CPNE4: variants seen among roughly 807,000 people sequenced by gnomAD.
CPNE4 encodes copine 4.
A neutral mutation model predicts 67.9 loss-of-function variants in CPNE4; 25 were observed. The ratio of observed to expected loss-of-function variants is 0.37; its 90% CI spans 0.27 to 0.51. The LOEUF (loss-of-function observed/expected upper bound fraction) is 0.51. CPNE4 is among the 20% of genes least tolerant of loss of function. The pLI, the probability that CPNE4 is intolerant of heterozygous loss-of-function variation, is 0.93. For missense variants in CPNE4, 464 were observed against 690.8 expected, an observed-to-expected ratio of 0.67 and a Z score of 3.68; for synonymous variants, 242 against 244.9, an observed-to-expected ratio of 0.99 and a Z score of 0.11.
chr3:131,860,643 TTTG>T (rs2086637106), intron 2 of CPNE4, among the ~76,000 whole-genome samples: 1 of 151,132 alleles, frequency 6.6e-6, no homozygotes, highest in Non-Finnish European at 1.5e-5. Flanking sequence ...TGAGTCTAGG[TTTG>T]GATTACATGA....
intron 2 of CPNE4, among the ~76,000 whole-genome samples, chr3:131,733,423 C>G (rs2082170181): frequency 1.3e-5 from 2 of 152,190 alleles, no homozygotes; most frequent in South Asian, 4.1e-4. Flanking sequence ...CTAAAGCCCC[C>G]CTAGAATATC....
chr3:131,775,840 T>G (rs1022871944), intron 2 of CPNE4, among the ~76,000 whole-genome samples: 3 of 152,160 alleles, frequency 2.0e-5, no homozygotes, highest in African/African-American at 4.8e-5. Flanking sequence ...TGTCATGGTT[T>G]CTCTGCATTT....
chr3:131,893,695 C>T (rs1022248089), intron 2 of CPNE4, among the ~76,000 whole-genome samples: 2 of 151,864 alleles, frequency 1.3e-5, no homozygotes, highest in East Asian at 1.9e-4. Flanking sequence ...GGAAATTAAA[C>T]AGCACGCTCT....
intron 1 of CPNE4, among the ~76,000 whole-genome samples, chr3:132,008,147 G>C (rs1347818601): frequency 6.6e-6 from 1 of 152,102 alleles, no homozygotes; most frequent in Non-Finnish European, 1.5e-5. Flanking sequence ...CAGTTTCTTG[G>C]AATATGACTT....
rs1582849266 is a variant in CPNE4 at position 131,587,478 on chromosome 3, A to G, written c.780+6T>C. On this transcript the variant is annotated splice_donor_region_variant and intron_variant, in intron 8 of 15. Transcript: ENST00000429747. ...GAGGCAAAACCAAAAGTGGTTGACC[A>G]TGTACCTGTTTCCCTTCCATTGCTC... is the stretch of plus-strand genomic sequence containing the variant. 1 of 1,610,110 alleles carries G rather than the reference A, an allele frequency of 6.2e-7. No homozygotes were observed.
At chr3:131,658,589 G>A (rs2080040758) in intron 7 of CPNE4, among the ~76,000 whole-genome samples, 1 of 152,144 alleles carries the variant, frequency 6.6e-6, no homozygotes, top group Non-Finnish European at 1.5e-5. Flanking sequence ...AAGTCCTCCT[G>A]GCCTTCCTTA....
intron 2 of CPNE4, among the ~76,000 whole-genome samples, chr3:131,877,504 G>A (rs938240): frequency 0.63 from 96,381 of 152,040 alleles, 30,781 homozygotes; most frequent in Admixed American, 0.72. Flanking sequence ...TATTCTTAGC[G>A]GGTACAGGGA....
chr3:131,958,336 C>T (rs1472603917), intron 1 of CPNE4, among the ~76,000 whole-genome samples: 2 of 152,128 alleles, frequency 1.3e-5, no homozygotes, highest in Non-Finnish European at 2.9e-5. Flanking sequence ...CATTTTTGTA[C>T]ATCACACCAA....
intron 9 of CPNE4, among the ~76,000 whole-genome samples, chr3:131,576,983 G>T (rs961071347): frequency 6.6e-6 from 1 of 151,998 alleles, no homozygotes; most frequent in African/African-American, 2.4e-5. Flanking sequence ...CTAAAAGGCA[G>T]GTTGTTTGCT....
chr3:131,972,197 G>A (rs1476586685), intron 1 of CPNE4, among the ~76,000 whole-genome samples: 2 of 152,120 alleles, frequency 1.3e-5, no homozygotes, highest in South Asian at 2.1e-4. Flanking sequence ...TTTCAGAGAC[G>A]CTGAAGCCAA....
intron 2 of CPNE4, among the ~76,000 whole-genome samples, chr3:131,881,656 T>C (rs914877846): frequency 1.3e-5 from 2 of 152,214 alleles, no homozygotes; most frequent in African/African-American, 4.8e-5. Context: ...GTCTGTCGTA[T>C]TATTATATTT....
intron 2 of CPNE4, among the ~76,000 whole-genome samples, chr3:131,766,890 A>G (rs934820785): frequency 1.3e-5 from 2 of 152,172 alleles, no homozygotes; most frequent in African/African-American, 4.8e-5. Flanking sequence ...ACATCTGCTA[A>G]TAAATCAGTG....
At chr3:131,965,023 C>A (rs1218354281) in intron 1 of CPNE4, among the ~76,000 whole-genome samples, 1 of 152,180 alleles carries the variant, frequency 6.6e-6, no homozygotes, top group Non-Finnish European at 1.5e-5. Context: ...AACAGTGGAT[C>A]TCTCTGCAGA....
chr3:131,985,758 T>C (rs1467378372), intron 1 of CPNE4: 1 of 153,258 alleles, frequency 6.5e-6, no homozygotes, highest in Non-Finnish European at 1.5e-5. Flanking sequence ...CTATATTCAA[T>C]GAAAAACCTT....
intron 2 of CPNE4, among the ~76,000 whole-genome samples, chr3:131,725,734 T>C (rs1193205888): frequency 6.6e-6 from 1 of 152,234 alleles, no homozygotes; most frequent in East Asian, 1.9e-4. Flanking sequence ...CTCAAAGTAT[T>C]TTTCCCTTCA....
chr3:131,677,945 A>G (rs879459981), intron 6 of CPNE4, among the ~76,000 whole-genome samples: 20 of 152,122 alleles, frequency 1.3e-4, no homozygotes, highest in Admixed American at 5.2e-4. Context: ...AAATTTTAAA[A>G]TAGATTTTTC....
intron 1 of CPNE4, among the ~76,000 whole-genome samples, chr3:131,943,863 C>T (rs2071471770): frequency 1.3e-5 from 2 of 152,126 alleles, no homozygotes; most frequent in South Asian, 4.1e-4. Context: ...TCTTAAAGTC[C>T]CCTCAAACAT....
chr3:131,868,601 C>T (rs2087060094), intron 2 of CPNE4, among the ~76,000 whole-genome samples: 1 of 152,168 alleles, frequency 6.6e-6, no homozygotes. Context: ...TTCTAACTGA[C>T]ACAATTATAG....
In CPNE4 at chr3:131,936,454, A is replaced by G. The variant is rs138089910; in HGVS notation, c.-1-31010T>C. Among the ~76,000 whole-genome samples the G allele has an allele frequency of 2.4e-3, 369 of 152,180 alleles. 3 individuals are homozygous for G. The highest frequency in any genetic ancestry group is 8.5e-3 in the African/African-American group (353 of 41,536). On this transcript the variant is annotated intron_variant, in intron 1 of 15. Coordinates refer to ENST00000429747, the MANE Select transcript of CPNE4 (RefSeq NM_130808.3). The stretch of plus-strand genomic sequence containing the variant: ...GATGAGAAGACAGTGCACAGACATA[A>G]TAAGATGAGTCTGTCTATGCAGCAG...
Sources: allele counts gnomAD v4.1 joint callset (sites outside exome capture counted in the v4.1 genomes callset), GRCh38; gene constraint gnomAD v4.1.1; transcripts MANE v1.5; gene names NCBI Gene and HGNC (gene_info 2026-07-23, HGNC 2026-07-21).